The following GRIA4 variants were observed in gnomAD, a reference collection of about 807,000 sequenced individuals.
The protein encoded by GRIA4 is glutamate receptor 4.
GRIA4 carries 34 observed loss-of-function variants against 104.0 expected under a neutral mutation model. That is an observed-to-expected ratio of 0.33 (90% CI 0.25 to 0.44). The LOEUF is 0.44. Ranked by LOEUF, GRIA4 falls within the 20% of genes least tolerant of loss-of-function variation. The probability of loss-of-function intolerance (pLI) is 1.00; values close to 1 mark genes in which losing one functional copy is unlikely to be tolerated. For synonymous variants in GRIA4, 386 were observed against 381.9 expected, an observed-to-expected ratio of 1.01 and a Z score of -0.13; for missense variants, 750 against 1,096.5, an observed-to-expected ratio of 0.68 and a Z score of 4.46.
chr11:105,737,345 T>G (rs1939015788), intron 3 of GRIA4, among the ~76,000 whole-genome samples: 1 of 152,134 alleles, frequency 6.6e-6, no homozygotes, highest in Admixed American at 6.6e-5. Flanking sequence ...ATTATTATAT[T>G]CTAGAAGGGG....
intron 3 of GRIA4, among the ~76,000 whole-genome samples, chr11:105,645,309 C>A (rs181156222): frequency 1.3e-5 from 2 of 152,322 alleles, no homozygotes; most frequent in East Asian, 3.9e-4. Context: ...TTCAGATATG[C>A]TCCTTGGCAG....
intron 13 of GRIA4, among the ~76,000 whole-genome samples, chr11:105,932,278 A>G (rs1427284803): frequency 6.6e-6 from 1 of 152,040 alleles, no homozygotes; most frequent in East Asian, 1.9e-4. Context: ...AGCTGGGACT[A>G]CAGGCATGCG....
intron 3 of GRIA4, among the ~76,000 whole-genome samples, chr11:105,643,781 T>A (rs1011503622): frequency 6.6e-6 from 1 of 152,114 alleles, no homozygotes; most frequent in Non-Finnish European, 1.5e-5. Context: ...TGCAGTGACA[T>A]CATCTCTGCT....
At chr11:105,822,937 G>A (rs1050481374) in intron 4 of GRIA4, among the ~76,000 whole-genome samples, 1 of 152,064 alleles carries the variant, frequency 6.6e-6, no homozygotes, top group African/African-American at 2.4e-5. Flanking sequence ...TACAATTGAT[G>A]CTTCTGAACA....
chr11:105,973,192 G>A (rs1035610209), intron 15 of GRIA4, among the ~76,000 whole-genome samples: 1 of 152,168 alleles, frequency 6.6e-6, no homozygotes, highest in African/African-American at 2.4e-5. Context: ...TAAGGTGACA[G>A]TGTATATAGT....
intron 4 of GRIA4, among the ~76,000 whole-genome samples, chr11:105,816,963 T>A (rs1487007303): frequency 6.7e-6 from 1 of 150,122 alleles, no homozygotes; most frequent in Non-Finnish European, 1.5e-5. Flanking sequence ...AAGCCTGCAG[T>A]GAGCTATGAT....
intron 6 of GRIA4, among the ~76,000 whole-genome samples, chr11:105,888,985 A>G (rs1167183990): frequency 6.6e-6 from 1 of 152,098 alleles, no homozygotes; most frequent in Non-Finnish European, 1.5e-5. Flanking sequence ...TTACTATAAG[A>G]GAAAAAAACT....
chr11:105,974,139 G>T (rs1229781959), intron 15 of GRIA4, among the ~76,000 whole-genome samples, 171 bp from the exon 16 acceptor site: 1 of 152,110 alleles, frequency 6.6e-6, no homozygotes, highest in Non-Finnish European at 1.5e-5. Context: ...TCTCCCAAGA[G>T]CTATAAGATT....
Position 105,911,775 on chromosome 11 carries a change from AATATATATATATATATAT to A in GRIA4, c.1269+1247_1269+1264del, listed in dbSNP as rs60005308. On this transcript the variant is annotated intron_variant, in intron 10 of 16. Coordinates refer to ENST00000282499, the MANE Select transcript of GRIA4 (RefSeq NM_000829.4). ...AATATTTGCATGGGACTTGAAAAGC[AATATATATATATATATAT>A]ATATATATATATATATGTTTCTTTT... 229 of 74,516 alleles carry A rather than the reference AATATATATATATATATAT, an allele frequency of 3.1e-3. 27 individuals are homozygous for A. The highest frequency in any genetic ancestry group is 0.016 in the East Asian group (47 of 2,986). 4.6% of individuals were successfully genotyped at this position (74,516 alleles called of 1,614,324 possible).
rs141326899 is a variant in GRIA4 at position 105,933,919 on chromosome 11, T to C, written c.2244T>C (p.Asn748=). ...KPCDTMKVGG[N]LDSKGYGVAT... ...GTGACACGATGAAAGTGGGAGGAAA[T>C]CTGGATTCCAAAGGCTATGGAGTAG... The change falls in exon 14 of 17, where the codon AAT becomes AAC. Residue 748 remains asparagine (N), a synonymous_variant. Coordinates refer to ENST00000282499, the MANE Select transcript of GRIA4 (RefSeq NM_000829.4). The C allele has an allele frequency of 2.0e-5, 33 of 1,613,298 alleles. No homozygotes were observed. In the African/African-American group the frequency reaches 3.7e-4, roughly 18 times the overall value.
At chr11:105,771,572 A>G (rs1433367561) in intron 4 of GRIA4, among the ~76,000 whole-genome samples, 1 of 152,048 alleles carries the variant, frequency 6.6e-6, no homozygotes, top group Non-Finnish European at 1.5e-5. Context: ...TTTTTTGTAA[A>G]CCAGATATTG....
chr11:105,967,185 A>AGTG (rs148503263), intron 14 of GRIA4, among the ~76,000 whole-genome samples: 1 of 152,100 alleles, frequency 6.6e-6, no homozygotes, highest in Non-Finnish European at 1.5e-5. Flanking sequence ...TCAAATTTTT[A>AGTG]TTATCACAAA....
At chr11:105,775,524 T>A (rs1441061936) in intron 4 of GRIA4, among the ~76,000 whole-genome samples, 1 of 152,082 alleles carries the variant, frequency 6.6e-6, no homozygotes, top group Non-Finnish European at 1.5e-5. Context: ...AAAATTTTAA[T>A]TTTCTGTATG....
At chr11:105,697,253 C>T (rs1278512137) in intron 3 of GRIA4, among the ~76,000 whole-genome samples, 2 of 152,170 alleles carry the variant, frequency 1.3e-5, no homozygotes, top group Non-Finnish European at 2.9e-5. Context: ...TGGAAAACAG[C>T]ATGCCTTTGA....
At chr11:105,931,851 C>A (rs550794412) in intron 13 of GRIA4, among the ~76,000 whole-genome samples, 1 of 152,282 alleles carries the variant, frequency 6.6e-6, no homozygotes, top group East Asian at 1.9e-4. Context: ...TTGAATCCCA[C>A]TTTTATTCAT....
chr11:105,795,466 C>T lies in GRIA4; in HGVS notation c.487+42246C>T, dbSNP rs545211959. Among the ~76,000 whole-genome samples, 12 of 152,050 alleles carry T rather than the reference C, an allele frequency of 7.9e-5. No homozygotes were observed. In the East Asian group the frequency reaches 1.4e-3, roughly 17 times the overall value. ...TCAAGAAACTGAAGGAAGTTTATTA[C>T]GAAAGGAACTAGAGTGTGAATGTGT... On this transcript the variant is annotated intron_variant, in intron 4 of 16. Coordinates refer to ENST00000282499, the MANE Select transcript of GRIA4 (RefSeq NM_000829.4).
intron 3 of GRIA4, among the ~76,000 whole-genome samples, chr11:105,643,807 C>T (rs1951440987): frequency 6.6e-6 from 1 of 152,314 alleles, no homozygotes. Context: ...CAACCTCTGC[C>T]TCCCAGGTTG....
intron 4 of GRIA4, among the ~76,000 whole-genome samples, chr11:105,778,702 C>T (rs1275154706): frequency 6.6e-6 from 1 of 152,188 alleles, no homozygotes; most frequent in African/African-American, 2.4e-5. Flanking sequence ...AAGACTACAT[C>T]TCAAAACAAA....
chr11:105,927,279 G>T (rs979386812), intron 13 of GRIA4, among the ~76,000 whole-genome samples: 2 of 152,036 alleles, frequency 1.3e-5, no homozygotes, highest in African/African-American at 4.8e-5. Flanking sequence ...CTGCTTTTGG[G>T]CTGAGAGCGT....
Sources: allele counts gnomAD v4.1 joint callset (sites outside exome capture counted in the v4.1 genomes callset), GRCh38; gene constraint gnomAD v4.1.1; transcripts MANE v1.5; gene names NCBI Gene and HGNC (gene_info 2026-07-23, HGNC 2026-07-21).